The following E2F7 variants were observed in gnomAD, a reference collection of about 807,000 sequenced individuals.
E2F7 encodes the protein transcription factor E2F7.
A neutral mutation model predicts 81.1 loss-of-function variants in E2F7; 35 were observed. The ratio of observed to expected loss-of-function variants is 0.43; its 90% confidence interval spans 0.33 to 0.57. The LOEUF (loss-of-function observed/expected upper bound fraction) is 0.57, where lower values mean the gene tolerates loss of function less well. Among genes scored for constraint, E2F7 ranks in the 20% least tolerant of loss-of-function variants. The pLI, the probability that E2F7 is intolerant of heterozygous loss-of-function variation, is 0.04. For synonymous variants in E2F7, 416 were observed against 416.2 expected, an observed-to-expected ratio of 1.00 and a Z score of 0.01; for missense variants, 961 against 1,093.7, an observed-to-expected ratio of 0.88 and a Z score of 1.71.
Position 77,029,842 on chromosome 12 carries a change from C to T in E2F7, c.1873G>A (p.Val625Ile). ...CTGCACTCCCTTACCTTGGGCATGA[C>T]AAGCGACAGCGGGCCGTCTTCATAT... ...REYEDGPLSL[V>I]MPKKPSDSTD... The change falls in exon 10 of 13, where the codon GTC becomes ATC. Residue 625 changes from valine (V) to isoleucine (I), a missense_variant. Around this residue, in one of 3 missense-constraint regions of E2F7, gnomAD observed 587 missense variants for 620.3 expected, o/e 0.95. Transcript: ENST00000322886. 1.2e-6 allele frequency: 2 copies of T among 1,614,126 alleles called. No homozygotes were observed. Among genetic ancestry groups the T allele is most frequent in the Non-Finnish European group, 8.5e-7 (1 of 1,179,968 alleles).
intron 7 of E2F7, among the ~76,000 whole-genome samples, chr12:77,040,800 C>T (rs1287345310): frequency 1.3e-5 from 2 of 152,076 alleles, no homozygotes; most frequent in African/African-American, 2.4e-5. Context: ...AAAAACTTAT[C>T]GAATTGTAAC....
intron 2 of E2F7, among the ~76,000 whole-genome samples, chr12:77,058,477 G>A (rs1424730116): frequency 1.6e-4 from 24 of 152,094 alleles, no homozygotes; most frequent in Admixed American, 1.6e-3. Context: ...CACAAACTGG[G>A]AGGAAGTTAT....
At chr12:77,040,242 C>G (rs1051820161) in intron 7 of E2F7, among the ~76,000 whole-genome samples, 10 of 152,262 alleles carry the variant, frequency 6.6e-5, no homozygotes, top group African/African-American at 2.4e-4. Flanking sequence ...TAACTCATGC[C>G]TGATCAACGC....
chr12:77,031,411 C>A (rs12424880), intron 9 of E2F7, among the ~76,000 whole-genome samples: 10,643 of 150,262 alleles, frequency 0.071, 455 homozygotes, highest in Admixed American at 0.11. Flanking sequence ...GAGGCTAAGA[C>A]AGGTGGATAA....
At position 77,040,521 on chromosome 12, in the gene E2F7, A is replaced by G. The variant is rs1434299694; in HGVS notation, c.1123+2544T>C. Among the ~76,000 whole-genome samples, 4 of 152,250 alleles carry G rather than the reference A, an allele frequency of 2.6e-5. No individual in the cohort carries two copies. In the East Asian group the frequency reaches 5.8e-4, roughly 22 times the overall value. On this transcript the variant is annotated intron_variant, in intron 7 of 12. Transcript: ENST00000322886. ...AACTGACTGTGGAAACACCCTGAGTACCGACTTTGGAGTTAAAAGTACATT... is the reference window on the plus strand; with the variant it reads ...AACTGACTGTGGAAACACCCTGAGTGCCGACTTTGGAGTTAAAAGTACATT...
intron 7 of E2F7, among the ~76,000 whole-genome samples, chr12:77,034,595 C>A (rs892955667): frequency 1.3e-5 from 2 of 152,196 alleles, no homozygotes; most frequent in Non-Finnish European, 2.9e-5. Flanking sequence ...GGTTGAAATG[C>A]TGCAGAACAG....
Position 77,065,462 on chromosome 12 carries a change from G to C in E2F7, c.-118C>G, listed in dbSNP as rs898572580. ...GGCGGCATCGGGAAGGGAGAGCGAG[G>C]CGCGCAGATCCCCGCGCCGAGTGCC... On this transcript the variant is annotated 5_prime_UTR_variant, in exon 1 of 13. Transcript: ENST00000322886. The C allele has an allele frequency of 6.5e-6, 1 of 152,720 alleles. No homozygotes were observed. Among genetic ancestry groups the C allele is most frequent in the Non-Finnish European group, 1.5e-5 (1 of 68,442 alleles). The allele number at this position is 152,720 out of a possible 1,614,324, so 9.5% of individuals were successfully genotyped here.
In E2F7 at chr12:77,024,160, C is replaced by A; in HGVS notation, c.2591G>T (p.Ser864Ile). 11 of 1,613,612 alleles carry A rather than the reference C, an allele frequency of 6.8e-6. No individual in the cohort carries two copies. Among genetic ancestry groups the A allele is most frequent in the Non-Finnish European group, 9.3e-6 (11 of 1,179,922 alleles). ...CGTCTCACGATGTGTGCGTTGGATG[C>A]TCTTGGGGGTCACTGGAACTGGTGA... Reference protein sequence around the residue: ...HQSPVPVTPKSIQRTHRETFF... With the variant: ...HQSPVPVTPKIIQRTHRETFF... Residue 864 changes from serine (S) to isoleucine (I), a missense_variant, in exon 13 of 13, where the codon AGC (serine) becomes ATC (isoleucine). Physicochemically the swap from Ser to Ile is moderately radical, Grantham distance 142. This residue lies in a region of E2F7 where 587 missense variants were observed against 620.3 expected (regional missense o/e 0.95). Transcript: ENST00000322886.
At chr12:77,054,575 C>T (rs186052251) in intron 3 of E2F7, among the ~76,000 whole-genome samples, 3 of 152,226 alleles carry the variant, frequency 2.0e-5, no homozygotes, top group African/African-American at 7.2e-5. Context: ...TTACTTCCTA[C>T]AGGTGGTGAA....
At chr12:77,057,122 A>G (rs1329644487) in intron 2 of E2F7, among the ~76,000 whole-genome samples, 1 of 152,084 alleles carries the variant, frequency 6.6e-6, no homozygotes, top group African/African-American at 2.4e-5. Context: ...GCATGATCAC[A>G]GCTAACTGCA....
At chr12:77,048,461 T>G (rs1209636446) in intron 4 of E2F7, among the ~76,000 whole-genome samples, 1 of 152,208 alleles carries the variant, frequency 6.6e-6, no homozygotes, top group Non-Finnish European at 1.5e-5. Flanking sequence ...ATTAAGTCAC[T>G]TCCAGTTCTC....
At position 77,030,011 on chromosome 12, in the gene E2F7, C is replaced by T; in HGVS notation, c.1704G>A (p.Gly568=). Residue 568 remains glycine (G), a synonymous_variant, in exon 10 of 13, where the codon GGG becomes GGA. Coordinates refer to ENST00000322886, the MANE Select transcript of E2F7 (RefSeq NM_203394.3). ...YGSLQEGPAS[G]SGSERDDRSS... ...TTCTGTCATCCCTCTCTGACCCTGACCCTGACGCTGGTCCCTCCTGCAGAC... is the reference window on the plus strand; with the variant it reads ...TTCTGTCATCCCTCTCTGACCCTGATCCTGACGCTGGTCCCTCCTGCAGAC... 1 of 1,614,204 alleles carries T rather than the reference C, an allele frequency of 6.2e-7. No individual in the cohort carries two copies. Among genetic ancestry groups the T allele is most frequent in the South Asian group, 1.1e-5 (1 of 91,086 alleles).
At chr12:77,032,571 T>C (rs1954815660) in intron 9 of E2F7, among the ~76,000 whole-genome samples, 1 of 152,214 alleles carries the variant, frequency 6.6e-6, no homozygotes, top group Non-Finnish European at 1.5e-5. Context: ...GCAATGTGAC[T>C]GGGCAAGTTA....
chr12:77,041,882 G>C (rs1214785739), intron 7 of E2F7, among the ~76,000 whole-genome samples: 1 of 152,160 alleles, frequency 6.6e-6, no homozygotes, highest in African/African-American at 2.4e-5. Context: ...GGGTAATCAA[G>C]GATAAATAAA....
intron 2 of E2F7, among the ~76,000 whole-genome samples, chr12:77,060,933 A>T (rs938990488): frequency 1.3e-5 from 2 of 152,176 alleles, no homozygotes; most frequent in South Asian, 4.1e-4. Context: ...AAAATATCTT[A>T]CTTGACCTCA....
Position 77,023,992 on chromosome 12 carries a change from C to T in E2F7, c.*23G>A. 1.9e-6 allele frequency: 3 copies of T among 1,610,570 alleles called. No homozygotes were observed. The highest frequency in any genetic ancestry group is 2.2e-5 in the South Asian group (2 of 90,730). ...GGGACTCTCAGGGCGTTTGATCCCA[C>T]CCCCACCTGGCAAAGCGGCAGGTTA... On this transcript the variant is annotated 3_prime_UTR_variant, in exon 13 of 13. Transcript: ENST00000322886.
At chr12:77,032,295 A>G (rs73395899) in intron 9 of E2F7, among the ~76,000 whole-genome samples, 6,284 of 152,098 alleles carry the variant, frequency 0.041, 276 homozygotes, top group East Asian at 0.12. Flanking sequence ...TGCCTCCAAC[A>G]CCTAACCTCT....
intron 7 of E2F7, among the ~76,000 whole-genome samples, chr12:77,038,056 G>T (rs1017099803): frequency 1.3e-5 from 2 of 152,082 alleles, no homozygotes; most frequent in African/African-American, 2.4e-5. Context: ...AATAAAGAGG[G>T]TCATTTTATA....
intron 2 of E2F7, among the ~76,000 whole-genome samples, chr12:77,059,381 C>T (rs559005860): frequency 6.6e-5 from 10 of 152,290 alleles, no homozygotes; most frequent in East Asian, 1.9e-4. Context: ...TGATTTGTGT[C>T]CCAGCTGTTT....
Sources: allele counts gnomAD v4.1 joint callset (sites outside exome capture counted in the v4.1 genomes callset), GRCh38; gene constraint gnomAD v4.1.1; regional missense constraint gnomAD v4.1.1; transcripts MANE v1.5; gene names NCBI Gene and HGNC (gene_info 2026-07-23, HGNC 2026-07-21).